Variants in ATXN7L1 observed in about 807,000 individuals in gnomAD.
ATXN7L1 encodes the protein ataxin-7-like protein 1.
Under a neutral mutation model 70.8 loss-of-function variants are expected in ATXN7L1, and 15 were observed. The observed-to-expected ratio is 0.21, with a 90% CI of 0.14 to 0.33. ATXN7L1 has a LOEUF of 0.33. Among genes scored for constraint, ATXN7L1 ranks in the 10% least tolerant of loss-of-function variants. The probability of loss-of-function intolerance (pLI) is 1.00; values close to 1 mark genes in which losing one functional copy is unlikely to be tolerated. For missense variants in ATXN7L1, 975 were observed against 1,097.1 expected (o/e 0.89, Z 1.57); for synonymous variants, 440 against 445.1 (o/e 0.99, Z 0.14).
intron 11 of ATXN7L1, among the ~76,000 whole-genome samples, chr7:105,610,170 A>G (rs1793024037): frequency 6.6e-6 from 1 of 152,226 alleles, no homozygotes; most frequent in Admixed American, 6.5e-5. Flanking sequence ...ACTGAGACTC[A>G]GAGAGGTAAT....
At chr7:105,715,162 G>A in intron 3 of ATXN7L1, among the ~76,000 whole-genome samples, 1 of 152,278 alleles carries the variant, frequency 6.6e-6, no homozygotes, top group Middle Eastern at 3.4e-3. Flanking sequence ...ATAAACCCTG[G>A]GAGGCAGCTT....
At chr7:105,763,793 T>G (rs750281323) in intron 3 of ATXN7L1, among the ~76,000 whole-genome samples, 5 of 152,110 alleles carry the variant, frequency 3.3e-5, no homozygotes, top group Non-Finnish European at 7.4e-5. Context: ...GGTGGCAATC[T>G]GATAGTCACT....
chr7:105,608,091 C>T (rs1029479247), intron 11 of ATXN7L1, among the ~76,000 whole-genome samples: 1 of 152,224 alleles, frequency 6.6e-6, no homozygotes, highest in South Asian at 2.1e-4. Context: ...CGGATCCATG[C>T]ATGTAAGGCA....
intron 3 of ATXN7L1, among the ~76,000 whole-genome samples, chr7:105,769,545 G>A (rs1260495620): frequency 2.0e-5 from 3 of 152,168 alleles, no homozygotes; most frequent in Non-Finnish European, 2.9e-5. Flanking sequence ...TTGGTGGGAA[G>A]GAATGGGGGC....
At chr7:105,837,943 G>A (rs1027038033) in intron 2 of ATXN7L1, among the ~76,000 whole-genome samples, 2 of 152,138 alleles carry the variant, frequency 1.3e-5, no homozygotes, top group African/African-American at 4.8e-5. Context: ...CCTAAAAGCA[G>A]GAGTCGGGCT....
Position 105,696,675 on chromosome 7 carries a change from A to C in ATXN7L1, c.356-31387T>G, listed in dbSNP as rs868774389. Among the ~76,000 whole-genome samples the C allele has an allele frequency of 2.0e-5, 3 of 152,378 alleles. No homozygotes were observed. The Middle Eastern group carries it at 0.01, about 518-fold the overall frequency. On this transcript the variant is annotated intron_variant, in intron 3 of 11. Coordinates refer to ENST00000419735, the MANE Select transcript of ATXN7L1 (RefSeq NM_020725.2). ...GGAATCTGTTGTAATTAGTACTGGCATGCTTAACCAAAGCAGTTCCACCAC... is the reference window on the plus strand; with the variant it reads ...GGAATCTGTTGTAATTAGTACTGGCCTGCTTAACCAAAGCAGTTCCACCAC...
In ATXN7L1 at chr7:105,618,533, C is replaced by T. The variant is rs141101877; in HGVS notation, c.1517+1667G>A. 2.0e-5 allele frequency among the ~76,000 whole-genome samples: 3 copies of T among 152,254 alleles called. 1 individual carries two copies. In the East Asian group the frequency reaches 5.8e-4, roughly 29 times the overall value. On this transcript the variant is annotated intron_variant, in intron 9 of 11. Transcript: ENST00000419735. ...AGTTCAGGTCTGGAAGCTCTTTAGG[C>T]TTCCAGAAAGGGGCCTAAGGTGTCG...
rs189425603 is a variant in ATXN7L1, at chr7:105,767,898, T to G, written c.355+20706A>C. Among the ~76,000 whole-genome samples, 31 of 152,240 alleles carry G rather than the reference T, an allele frequency of 2.0e-4. 1 individual carries two copies. The highest frequency in any genetic ancestry group is 6.8e-4 in the African/African-American group (28 of 41,470). On this transcript the variant is annotated intron_variant, in intron 3 of 11. Coordinates refer to ENST00000419735, the MANE Select transcript of ATXN7L1 (RefSeq NM_020725.2). ...CACCCCTCTGGAGTTCGACTGGTAC[T>G]CAGGGCTGGAGTGCAGAGCCTGCAG...
chr7:105,788,988 T>C lies in ATXN7L1; in HGVS notation c.251-280A>G, dbSNP rs561956879. 5.3e-5 allele frequency among the ~76,000 whole-genome samples: 8 copies of C among 152,322 alleles called. No individual in the cohort carries two copies. The South Asian group carries it at 1.7e-3, about 32-fold the overall frequency. On this transcript the variant is annotated intron_variant, in intron 2 of 11. Coordinates refer to ENST00000419735, the MANE Select transcript of ATXN7L1 (RefSeq NM_020725.2). ...CGAGGGGCTGCTCTGAGTCACATGC[T>C]ATGGGAATCACCCTGTCCTGAGAGA...
intron 3 of ATXN7L1, among the ~76,000 whole-genome samples, chr7:105,731,192 A>G (rs1796491313): frequency 6.6e-6 from 1 of 152,222 alleles, no homozygotes; most frequent in African/African-American, 2.4e-5. Flanking sequence ...TATATGACAC[A>G]TAAATGAATT....
intron 2 of ATXN7L1, among the ~76,000 whole-genome samples, chr7:105,865,549 G>A (rs369768620): frequency 6.6e-6 from 1 of 151,906 alleles, no homozygotes; most frequent in Admixed American, 6.6e-5. Flanking sequence ...CTACAGGCAC[G>A]TGCCACCATA....
intron 3 of ATXN7L1, among the ~76,000 whole-genome samples, chr7:105,710,404 T>G (rs1793748737): frequency 1.2e-5 from 1 of 85,106 alleles, no homozygotes; most frequent in Non-Finnish European, 2.4e-5. Flanking sequence ...CCATGCACTT[T>G]TTTTTTTTTT....
chr7:105,695,472 T>C (rs1263251156), intron 3 of ATXN7L1, among the ~76,000 whole-genome samples: 1 of 152,108 alleles, frequency 6.6e-6, no homozygotes, highest in African/African-American at 2.4e-5. Flanking sequence ...TGGAAAACAA[T>C]CGTCTTGATC....
At position 105,688,659 on chromosome 7, in the gene ATXN7L1, A is replaced by C. The variant is rs550647299; in HGVS notation, c.356-23371T>G. Reference sequence around the variant, plus strand: ...CGCCAATGAAGCCTTGTCTGGGAAGACTCTTTTCGCCTCATTTCTATTGCA... The same window carrying C: ...CGCCAATGAAGCCTTGTCTGGGAAGCCTCTTTTCGCCTCATTTCTATTGCA... On this transcript the variant is annotated intron_variant, in intron 3 of 11. Coordinates refer to ENST00000419735, the MANE Select transcript of ATXN7L1 (RefSeq NM_020725.2). Among the ~76,000 whole-genome samples, 6 of 152,150 alleles carry C rather than the reference A, an allele frequency of 3.9e-5. No individual in the cohort carries two copies. In the South Asian group the frequency reaches 1.2e-3, roughly 32 times the overall value.
In ATXN7L1 at chr7:105,727,777, T is replaced by TAC. The variant is rs1274006496; in HGVS notation, c.355+60825_355+60826dup. Among the ~76,000 whole-genome samples, 314 of 90,074 alleles carry TAC rather than the reference T, an allele frequency of 3.5e-3. 3 individuals are homozygous for TAC. The highest frequency in any genetic ancestry group is 5.9e-3 in the African/African-American group (96 of 16,302). The allele number at this position is 90,074 out of a possible 152,430, so 59.1% of individuals were successfully genotyped here. ...ATATATATATATATATATATATATA[T>TAC]ACACACACATACACACATATATATA... On this transcript the variant is annotated intron_variant, in intron 3 of 11. Transcript: ENST00000419735.
At chr7:105,678,092 C>CTTTTTT in intron 3 of ATXN7L1, 1 of 520,716 alleles carries the variant, frequency 1.9e-6, no homozygotes, top group Non-Finnish European at 2.4e-6. Context: ...CAGACACATA[C>CTTTTTT]TTTTTTTTTT....
intron 2 of ATXN7L1, among the ~76,000 whole-genome samples, chr7:105,848,302 A>G (rs1452836453): frequency 6.6e-6 from 1 of 152,234 alleles, no homozygotes; most frequent in Non-Finnish European, 1.5e-5. Flanking sequence ...TAATTGGAAC[A>G]ATATTTCTAG....
At chr7:105,751,018 T>C (rs1473270911) in intron 3 of ATXN7L1, among the ~76,000 whole-genome samples, 1 of 152,206 alleles carries the variant, frequency 6.6e-6, no homozygotes, top group Non-Finnish European at 1.5e-5. Context: ...AATAATGGCA[T>C]AGGATTATAT....
At chr7:105,664,703 A>G (rs1802344013) in intron 4 of ATXN7L1, among the ~76,000 whole-genome samples, 1 of 151,312 alleles carries the variant, frequency 6.6e-6, no homozygotes, top group Non-Finnish European at 1.5e-5. Context: ...AGTAGCTGGG[A>G]TTACAGGTGT....
Sources: gnomAD v4.1 joint callset for allele counts (sites outside exome capture counted in the v4.1 genomes callset) on GRCh38, gnomAD v4.1.1 for gene constraint, MANE v1.5 for transcripts, NCBI Gene and HGNC (gene_info 2026-07-23, HGNC 2026-07-21) for gene names.